The following CPNE4 variants were observed in gnomAD, a reference collection of about 807,000 sequenced individuals.
CPNE4 encodes the protein copine 4.
Under a neutral mutation model 67.9 loss-of-function variants are expected in CPNE4, and 25 were observed. That is an observed-to-expected ratio of 0.37 (90% confidence interval 0.27 to 0.51). The LOEUF (loss-of-function observed/expected upper bound fraction) is 0.51, where lower values mean the gene tolerates loss of function less well. CPNE4 is among the 20% of genes least tolerant of loss of function. The pLI, the probability that CPNE4 is intolerant of heterozygous loss-of-function variation, is 0.93. For missense variants in CPNE4, 464 were observed against 690.8 expected (o/e 0.67, Z 3.68); for synonymous variants, 242 against 244.9 (o/e 0.99, Z 0.11).
At chr3:131,917,679 G>C (rs1353217980) in intron 1 of CPNE4, among the ~76,000 whole-genome samples, 2 of 152,076 alleles carry the variant, frequency 1.3e-5, no homozygotes, top group African/African-American at 4.8e-5. Flanking sequence ...AGTTTGACAG[G>C]AATAGATAGA....
chr3:131,703,337 T>C lies in CPNE4; in HGVS notation c.361-3357A>G, dbSNP rs143436505. ...TTCCTTAATTTGATTCTTTATACCC[T>C]ATGATGGGGTCACAGGTGCAAACCT... On this transcript the variant is annotated intron_variant, in intron 3 of 15. Transcript: ENST00000429747. 2.0e-5 allele frequency among the ~76,000 whole-genome samples: 3 copies of C among 152,296 alleles called. No homozygotes were observed. In the East Asian group the frequency reaches 5.8e-4, roughly 29 times the overall value.
chr3:131,650,057 G>T (rs994055196), intron 7 of CPNE4, among the ~76,000 whole-genome samples: 1 of 152,124 alleles, frequency 6.6e-6, no homozygotes, highest in African/African-American at 2.4e-5. Flanking sequence ...GAAGACAGAC[G>T]CTGAGAGACA....
rs1027505665 is a variant in CPNE4, at chr3:131,777,378, G to T, written c.181-53753C>A. Among the ~76,000 whole-genome samples the T allele has an allele frequency of 2.1e-5, 3 of 142,618 alleles. No homozygotes were observed. The Admixed American group carries it at 2.1e-4, about 10-fold the overall frequency. The allele number at this position is 142,618 out of a possible 152,430, so 93.6% of individuals were successfully genotyped here. ...GAATCAGAGAAAATAGCATTTCAAGGTTTTTTTTTTTTTTTTAGTTTCAAG... is the reference window on the plus strand; with the variant it reads ...GAATCAGAGAAAATAGCATTTCAAGTTTTTTTTTTTTTTTTTAGTTTCAAG... On this transcript the variant is annotated intron_variant, in intron 2 of 15. Coordinates refer to ENST00000429747, the MANE Select transcript of CPNE4 (RefSeq NM_130808.3).
chr3:131,767,995 T>C (rs190395448), intron 2 of CPNE4, among the ~76,000 whole-genome samples: 1 of 152,156 alleles, frequency 6.6e-6, no homozygotes, highest in African/African-American at 2.4e-5. Flanking sequence ...ATAGAGATTA[T>C]AAAAAGTAGC....
At chr3:131,855,167 A>G (rs369521470) in intron 2 of CPNE4, among the ~76,000 whole-genome samples, 22 of 152,062 alleles carry the variant, frequency 1.4e-4, no homozygotes, top group African/African-American at 5.1e-4. Context: ...CCTGATATCA[A>G]CTGATTCATT....
chr3:131,653,143 CTTTT>C (rs1206489252), intron 7 of CPNE4, among the ~76,000 whole-genome samples: 63 of 98,566 alleles, frequency 6.4e-4, no homozygotes, highest in African/African-American at 2.6e-3. Flanking sequence ...GATAGGACTT[CTTTT>C]TTTTTTTTTT....
chr3:131,982,782 CAT>C (rs1313841473), intron 1 of CPNE4, among the ~76,000 whole-genome samples: 1 of 151,886 alleles, frequency 6.6e-6, no homozygotes, highest in African/African-American at 2.4e-5. Flanking sequence ...TAATAAATTA[CAT>C]ATATATGAAA....
At chr3:131,922,707 CCT>C (rs1171533535) in intron 1 of CPNE4, among the ~76,000 whole-genome samples, 1 of 152,132 alleles carries the variant, frequency 6.6e-6, no homozygotes, top group South Asian at 2.1e-4. Flanking sequence ...CTTCTCTGTT[CCT>C]CTGTTTTCTT....
In CPNE4 at chr3:131,986,471, G is replaced by C. The variant is rs141994003; in HGVS notation, c.-2+48096C>G. On this transcript the variant is annotated intron_variant, in intron 1 of 15. Coordinates refer to ENST00000429747, the MANE Select transcript of CPNE4 (RefSeq NM_130808.3). The stretch of plus-strand genomic sequence containing the variant: ...TGCATCTCCTTTAGGTTCTAGGGAA[G>C]ATAAGAGATGAGAAAAGCAGCAAAC... Among the ~76,000 whole-genome samples the C allele has an allele frequency of 6.6e-5, 10 of 152,290 alleles. No homozygotes were observed. In the East Asian group the frequency reaches 1.9e-3, roughly 29 times the overall value.
At chr3:131,654,628 A>G (rs1202946862) in intron 7 of CPNE4, among the ~76,000 whole-genome samples, 3 of 152,180 alleles carry the variant, frequency 2.0e-5, no homozygotes, top group Non-Finnish European at 4.4e-5. Context: ...CAGTGAAATT[A>G]TATTCTGATG....
chr3:131,650,285 A>G (rs1197084571), intron 7 of CPNE4, among the ~76,000 whole-genome samples: 4 of 152,186 alleles, frequency 2.6e-5, no homozygotes, highest in Admixed American at 2.6e-4. Flanking sequence ...TGCCATATCT[A>G]TTGCTTAGAG....
intron 2 of CPNE4, among the ~76,000 whole-genome samples, chr3:131,772,875 G>T (rs779531533): frequency 6.6e-6 from 1 of 152,102 alleles, no homozygotes; most frequent in Admixed American, 6.6e-5. Flanking sequence ...GGGCTGATGT[G>T]CTTGCTGCCT....
intron 2 of CPNE4, among the ~76,000 whole-genome samples, chr3:131,856,547 A>G (rs2086451183): frequency 6.6e-6 from 1 of 152,000 alleles, no homozygotes; most frequent in South Asian, 2.1e-4. Flanking sequence ...TGTCTAGAAG[A>G]TGGGATGTTC....
At chr3:131,819,683 G>A (rs1034030143) in intron 2 of CPNE4, among the ~76,000 whole-genome samples, 7 of 152,144 alleles carry the variant, frequency 4.6e-5, no homozygotes, top group South Asian at 2.1e-4. Context: ...ACAAAATTTC[G>A]GAGCCTATTT....
At chr3:131,960,880 C>T (rs936226716) in intron 1 of CPNE4, among the ~76,000 whole-genome samples, 3 of 152,192 alleles carry the variant, frequency 2.0e-5, no homozygotes, top group African/African-American at 4.8e-5. Flanking sequence ...GGGTCTTCTC[C>T]CATTTTCTCA....
At chr3:131,575,174 C>A (rs1158967777) in intron 9 of CPNE4, 44 bp from the exon 10 acceptor site, 3 of 1,536,854 alleles carry the variant, frequency 2.0e-6, no homozygotes, top group South Asian at 1.1e-5. Flanking sequence ...ACAGCACAGT[C>A]TATTTCCTGA....
intron 2 of CPNE4, among the ~76,000 whole-genome samples, chr3:131,819,806 G>T (rs985120343): frequency 6.6e-6 from 1 of 152,088 alleles, no homozygotes; most frequent in East Asian, 1.9e-4. Context: ...AAGGAATAAA[G>T]GCAAAAGGAA....
chr3:131,994,305 A>G lies in CPNE4; in HGVS notation c.-2+40262T>C, dbSNP rs2073238123. Reference sequence around the variant, plus strand: ...TATCAGTAAGGTGAGTTTTTTAGTTATATTTTGTAAAATATAAACTTACGT... The same window carrying G: ...TATCAGTAAGGTGAGTTTTTTAGTTGTATTTTGTAAAATATAAACTTACGT... On this transcript the variant is annotated intron_variant, in intron 1 of 15. Coordinates refer to ENST00000429747, the MANE Select transcript of CPNE4 (RefSeq NM_130808.3). Among the ~76,000 whole-genome samples the G allele has an allele frequency of 1.5e-5, 2 of 136,088 alleles. 1 individual carries two copies. The highest frequency in any genetic ancestry group is 5.0e-4 in the South Asian group (2 of 3,972). The allele number at this position is 136,088 out of a possible 152,430, so 89.3% of individuals were successfully genotyped here.
intron 2 of CPNE4, among the ~76,000 whole-genome samples, chr3:131,851,251 TA>T (rs1258977206): frequency 6.6e-6 from 1 of 152,096 alleles, no homozygotes; most frequent in East Asian, 1.9e-4. Context: ...TTTGAAGGTT[TA>T]AAAATGAGAC....
Sources: gnomAD v4.1 joint callset for allele counts (sites outside exome capture counted in the v4.1 genomes callset) on GRCh38, gnomAD v4.1.1 for gene constraint, MANE v1.5 for transcripts, NCBI Gene and HGNC (gene_info 2026-07-23, HGNC 2026-07-21) for gene names.